ADGRB3: variants seen among roughly 807,000 people sequenced by gnomAD.
The protein encoded by ADGRB3 is brain-specific angiogenesis inhibitor 3.
In ADGRB3, 37 loss-of-function variants were observed where a neutral mutation model predicts 193.4. The ratio of observed to expected loss-of-function variants is 0.19; its 90% CI spans 0.15 to 0.25. ADGRB3 has a LOEUF of 0.25. Ranked by LOEUF, ADGRB3 falls within the 10% of genes least tolerant of loss-of-function variation. The pLI is 1.00. For synonymous variants in ADGRB3, 690 were observed against 644.2 expected (o/e 1.07, Z -1.08); for missense variants, 1,637 against 1,852.9 (o/e 0.88, Z 2.14).
At chr6:68,665,098 C>T (rs1768768705) in intron 3 of ADGRB3, among the ~76,000 whole-genome samples, 1 of 151,710 alleles carries the variant, frequency 6.6e-6, no homozygotes, top group Non-Finnish European at 1.5e-5. Flanking sequence ...TTAGGGAATG[C>T]TGTCCTTCTT....
intron 3 of ADGRB3, among the ~76,000 whole-genome samples, chr6:68,687,494 G>T (rs1765004310): frequency 6.6e-6 from 1 of 152,074 alleles, no homozygotes; most frequent in Non-Finnish European, 1.5e-5. Flanking sequence ...TCAGGTATAT[G>T]CGATGCATAT....
intron 3 of ADGRB3, among the ~76,000 whole-genome samples, chr6:68,665,733 A>T (rs188573371): frequency 6.6e-6 from 1 of 151,814 alleles, no homozygotes; most frequent in South Asian, 2.1e-4. Context: ...ATAACTATAA[A>T]TACTTTATTC....
At chr6:68,939,355 G>A (rs1767574696) in intron 5 of ADGRB3, among the ~76,000 whole-genome samples, 1 of 152,082 alleles carries the variant, frequency 6.6e-6, no homozygotes, top group Non-Finnish European at 1.5e-5. Flanking sequence ...CTAGGCATAA[G>A]TGACTCAAAC....
At chr6:68,869,039 C>T (rs1024939047) in intron 3 of ADGRB3, among the ~76,000 whole-genome samples, 6 of 151,688 alleles carry the variant, frequency 4.0e-5, no homozygotes, top group Non-Finnish European at 7.4e-5. Flanking sequence ...TGAATACTTT[C>T]CAGGAGATGC....
chr6:69,277,717 AAAG>A (rs1413044117), intron 20 of ADGRB3, among the ~76,000 whole-genome samples: 2 of 152,196 alleles, frequency 1.3e-5, no homozygotes, highest in African/African-American at 2.4e-5. Context: ...TATTAAGAAA[AAAG>A]AGAAATGGCG....
intron 3 of ADGRB3, among the ~76,000 whole-genome samples, chr6:68,754,862 A>C (rs1582174644): frequency 6.6e-6 from 1 of 152,268 alleles, no homozygotes; most frequent in Middle Eastern, 3.4e-3. Flanking sequence ...GTGGGATGAA[A>C]AAGGAAGCCA....
intron 3 of ADGRB3, among the ~76,000 whole-genome samples, chr6:68,695,985 T>G (rs1765150383): frequency 6.6e-6 from 1 of 152,018 alleles, no homozygotes; most frequent in Admixed American, 6.6e-5. Context: ...AGCGCCTTCC[T>G]GTATTTGGCT....
intron 3 of ADGRB3, among the ~76,000 whole-genome samples, chr6:68,806,895 C>T (rs1223094110): frequency 6.6e-6 from 1 of 152,050 alleles, no homozygotes; most frequent in Admixed American, 6.6e-5. Context: ...CATATTGTTA[C>T]ACAGTTGCCT....
intron 6 of ADGRB3, among the ~76,000 whole-genome samples, chr6:68,953,858 A>G (rs1485718508): frequency 6.6e-6 from 1 of 152,204 alleles, no homozygotes; most frequent in Non-Finnish European, 1.5e-5. Flanking sequence ...ATGGATTTTC[A>G]TAGCACCATT....
At chr6:68,708,593 A>C (rs893094550) in intron 3 of ADGRB3, among the ~76,000 whole-genome samples, 1 of 152,218 alleles carries the variant, frequency 6.6e-6, no homozygotes, top group Non-Finnish European at 1.5e-5. Context: ...AGATTTTTTA[A>C]AAACAAAACC....
At chr6:68,666,595 A>G (rs564242218) in intron 3 of ADGRB3, among the ~76,000 whole-genome samples, 5 of 152,022 alleles carry the variant, frequency 3.3e-5, no homozygotes, top group African/African-American at 1.2e-4. Context: ...TGTAAAGTCT[A>G]TCAAGATATT....
chr6:69,209,547 G>A (rs2127237596), intron 17 of ADGRB3, among the ~76,000 whole-genome samples: 1 of 152,294 alleles, frequency 6.6e-6, no homozygotes, highest in South Asian at 2.1e-4. Context: ...TCAATGTAAT[G>A]GACCAGTGTG....
chr6:69,365,869 G>A (rs750367745), intron 29 of ADGRB3, among the ~76,000 whole-genome samples: 5 of 152,016 alleles, frequency 3.3e-5, no homozygotes, highest in South Asian at 2.1e-4. Flanking sequence ...GCTGTTGTGA[G>A]GATCAAATTA....
In ADGRB3 at chr6:68,958,870, A is replaced by AGTGT. The variant is rs66559521; in HGVS notation, c.1525+2100_1525+2103dup. Among the ~76,000 whole-genome samples the AGTGT allele has an allele frequency of 5.7e-3, 838 of 147,310 alleles. 2 individuals carry two copies. Among genetic ancestry groups the AGTGT allele is most frequent in the African/African-American group, 8.5e-3 (336 of 39,388 alleles). ...TACTTATACAGGGGCAAAGAAAAAT[A>AGTGT]GTGTGTGTGTGTGTGTGTGTGTGTG... On this transcript the variant is annotated intron_variant, in intron 8 of 31. Coordinates refer to ENST00000370598, the MANE Select transcript of ADGRB3 (RefSeq NM_001704.3).
At chr6:68,937,522 T>G (rs1024729130) in intron 5 of ADGRB3, among the ~76,000 whole-genome samples, 1 of 152,216 alleles carries the variant, frequency 6.6e-6, no homozygotes. Flanking sequence ...TATTGACAGC[T>G]GCAGTTGACA....
intron 17 of ADGRB3, among the ~76,000 whole-genome samples, chr6:69,091,048 A>C (rs561543204): frequency 1.3e-3 from 199 of 152,352 alleles, no homozygotes; most frequent in Admixed American, 4.3e-3. Flanking sequence ...AAGGTTCAAC[A>C]CCATTGATCT....
chr6:69,112,707 A>G (rs1243899039), intron 17 of ADGRB3, among the ~76,000 whole-genome samples: 1 of 152,210 alleles, frequency 6.6e-6, no homozygotes. Context: ...ACAATATAGT[A>G]TGACTATTTA....
chr6:69,111,019 G>A (rs3799037), intron 17 of ADGRB3, among the ~76,000 whole-genome samples: 61,906 of 151,988 alleles, frequency 0.41, 14,616 homozygotes, highest in East Asian at 0.85. Flanking sequence ...CGTTTTTAAT[G>A]AAATAATATT....
Position 69,106,164 on chromosome 6 carries a change from T to TAAA in ADGRB3, c.2480+30143_2480+30145dup, listed in dbSNP as rs61114782. On this transcript the variant is annotated intron_variant, in intron 17 of 31. Coordinates refer to ENST00000370598, the MANE Select transcript of ADGRB3 (RefSeq NM_001704.3). ...ACAGGCTTTTTCTGTGAGACTGCGT[T>TAAA]AAAAAAAAAAAAAAAAAAAGAAAAG... is the stretch of plus-strand genomic sequence containing the variant. Among the ~76,000 whole-genome samples, 66 of 91,080 alleles carry TAAA rather than the reference T, an allele frequency of 7.2e-4. 1 individual carries two copies. Among genetic ancestry groups the TAAA allele is most frequent in the Non-Finnish European group, 7.6e-4 (37 of 49,006 alleles). The allele number at this position is 91,080 out of a possible 152,430, so 59.8% of individuals were successfully genotyped here. A position where few individuals can be genotyped will look rare whatever the true frequency, so the allele number is the denominator to read the frequency against.
Sources: gnomAD v4.1 joint callset for allele counts (sites outside exome capture counted in the v4.1 genomes callset) on GRCh38, gnomAD v4.1.1 for gene constraint, MANE v1.5 for transcripts, NCBI Gene and HGNC (gene_info 2026-07-23, HGNC 2026-07-21) for gene names.